Variants in UBXN2A observed in about 807,000 individuals in gnomAD.
UBXN2A encodes UBX domain protein 2A, also known as UBX domain-containing protein 2A.
Under a neutral mutation model 28.4 loss-of-function variants are expected in UBXN2A, and 28 were observed. That is an observed-to-expected ratio of 0.99 (90% CI 0.73 to 1.35). The LOEUF (loss-of-function observed/expected upper bound fraction) is 1.35, where lower values mean the gene tolerates loss of function less well. Ranked by LOEUF, UBXN2A falls within the 40% of genes most tolerant of loss-of-function variation. The pLI is 0.00. For synonymous variants in UBXN2A, 97 were observed against 103.6 expected (o/e 0.94, Z 0.39); for missense variants, 253 against 297.9 (o/e 0.85, Z 1.11).
At chr2:23,940,679 CG>C (rs1705707063) in intron 1 of UBXN2A, 31 bp downstream of exon 1, 1 of 151,008 alleles carries the variant, frequency 6.6e-6, no homozygotes, top group Non-Finnish European at 1.5e-5. Context: ...CCGCGTCCGG[CG>C]GGGTGAGGGC....
intron 4 of UBXN2A, among the ~76,000 whole-genome samples, chr2:23,981,386 G>A (rs1378532660): frequency 5.5e-5 from 8 of 146,440 alleles, no homozygotes; most frequent in African/African-American, 2.0e-4. Context: ...GCTAAGATGG[G>A]AGAATCGCTT....
chr2:23,965,365 G>A (rs1707120568), intron 2 of UBXN2A, among the ~76,000 whole-genome samples: 1 of 152,168 alleles, frequency 6.6e-6, no homozygotes, highest in African/African-American at 2.4e-5. Context: ...TGCAGACATT[G>A]TTTACCAAGT....
chr2:23,953,207 G>A (rs1302917324), intron 1 of UBXN2A, among the ~76,000 whole-genome samples: 6 of 151,934 alleles, frequency 3.9e-5, no homozygotes, highest in East Asian at 3.9e-4. Flanking sequence ...ATGAAATTGC[G>A]GTATAGCACT....
Position 24,001,604 on chromosome 2 carries a change from C to T in UBXN2A, c.*1737C>T, listed in dbSNP as rs1708725289. The T allele has an allele frequency of 6.6e-6, 1 of 151,928 alleles. No homozygotes were observed. Among genetic ancestry groups the T allele is most frequent in the Non-Finnish European group, 1.5e-5 (1 of 67,972 alleles). The allele number at this position is 151,928 out of a possible 1,614,324, so 9.4% of individuals were successfully genotyped here. ...AACAGCAACTCTCAAACATTTTTAT[C>T]TCAAGACCATTTGTTTATGTGAGCT... On this transcript the variant is annotated 3_prime_UTR_variant, in exon 7 of 7. Coordinates refer to ENST00000309033, the MANE Select transcript of UBXN2A (RefSeq NM_181713.4).
At chr2:23,944,276 G>A in intron 1 of UBXN2A, 2 of 1,604,970 alleles carry the variant, frequency 1.2e-6, no homozygotes, top group Admixed American at 3.4e-5. Flanking sequence ...AAGGCCTGAA[G>A]ATTCCCCAGC....
intron 1 of UBXN2A, among the ~76,000 whole-genome samples, chr2:23,954,931 C>CTTTT (rs35139100): frequency 1.9e-4 from 23 of 120,814 alleles, no homozygotes; most frequent in African/African-American, 4.2e-4. Flanking sequence ...GCTTGCCTAC[C>CTTTT]TTTTTTTTTT....
At position 24,002,605 on chromosome 2, in the gene UBXN2A, T is replaced by C. The variant is rs1463606458; in HGVS notation, c.*2738T>C. ...TTGTATTTTTAGTAGAGACGGGGTT[T>C]CGCCATGTTGGCCTGGCTGGCCTCT... On this transcript the variant is annotated 3_prime_UTR_variant, in exon 7 of 7. Transcript: ENST00000309033. 1 of 152,182 alleles carries C rather than the reference T, an allele frequency of 6.6e-6. No individual in the cohort carries two copies. The highest frequency in any genetic ancestry group is 1.5e-5 in the Non-Finnish European group (1 of 68,052). 9.4% of individuals were successfully genotyped at this position (152,182 alleles called of 1,614,324 possible). A position where few individuals can be genotyped will look rare whatever the true frequency, so the allele number is the denominator to read the frequency against.
chr2:23,973,912 G>T (rs1707532816), intron 3 of UBXN2A, among the ~76,000 whole-genome samples: 1 of 152,118 alleles, frequency 6.6e-6, no homozygotes, highest in Non-Finnish European at 1.5e-5. Context: ...TTACAGGCAT[G>T]AGCCACCGTG....
intron 1 of UBXN2A, chr2:23,943,740 C>G (rs1364890762): frequency 5.0e-6 from 1 of 199,770 alleles, no homozygotes; most frequent in Non-Finnish European, 1.0e-5. Flanking sequence ...ATCTGCCCGT[C>G]TTGGCCTCCC....
At chr2:23,968,030 C>A (rs1222607124) in intron 2 of UBXN2A, among the ~76,000 whole-genome samples, 1 of 151,854 alleles carries the variant, frequency 6.6e-6, no homozygotes, top group Admixed American at 6.6e-5. Flanking sequence ...CACACTACAG[C>A]CTCAAACTCC....
At chr2:23,946,508 A>G (rs1465592540) in intron 1 of UBXN2A, among the ~76,000 whole-genome samples, 2 of 151,590 alleles carry the variant, frequency 1.3e-5, no homozygotes, top group Non-Finnish European at 1.5e-5. Context: ...ATTTTAATAG[A>G]GACGGGGTTT....
chr2:23,931,884 G>A (rs1051478203), intron 1 of UBXN2A, among the ~76,000 whole-genome samples: 1 of 151,612 alleles, frequency 6.6e-6, no homozygotes, highest in African/African-American at 2.4e-5. Flanking sequence ...GATGGCAGGC[G>A]ACTGTAATCC....
rs1272424092 is a variant in UBXN2A at position 24,002,545 on chromosome 2, GATTATAGGCGCCC to G, written c.*2680_*2692del. 6.6e-6 allele frequency: 1 copy of G among 152,168 alleles called. No individual in the cohort carries two copies. Among genetic ancestry groups the G allele is most frequent in the Non-Finnish European group, 1.5e-5 (1 of 68,080 alleles). 9.4% of individuals were successfully genotyped at this position (152,168 alleles called of 1,614,324 possible). On this transcript the variant is annotated 3_prime_UTR_variant, in exon 7 of 7. Transcript: ENST00000309033. ...CTGCCACAGCCTCCCGAGTAGCTGG[GATTATAGGCGCCC>G]ACTACCACGCCTGGCTAATTTTTGT... is the stretch of plus-strand genomic sequence containing the variant.
chr2:23,927,785 TGAA>T (rs1394186478), intron 1 of UBXN2A, among the ~76,000 whole-genome samples: 1 of 152,036 alleles, frequency 6.6e-6, no homozygotes, highest in Non-Finnish European at 1.5e-5. Context: ...CCCGGCCCGC[TGAA>T]GAATTAAGAA....
chr2:23,979,338 C>G (rs1314718077), intron 4 of UBXN2A, among the ~76,000 whole-genome samples: 1 of 151,546 alleles, frequency 6.6e-6, no homozygotes, highest in African/African-American at 2.4e-5. Context: ...GAGCGAGACT[C>G]TGTCTCAAAA....
At chr2:23,967,836 A>G (rs1707238028) in intron 2 of UBXN2A, among the ~76,000 whole-genome samples, 1 of 152,182 alleles carries the variant, frequency 6.6e-6, no homozygotes, top group East Asian at 1.9e-4. Flanking sequence ...TTAAGAGTAT[A>G]TACGAGAGGA....
At chr2:23,979,267 C>T (rs1438692248) in intron 4 of UBXN2A, among the ~76,000 whole-genome samples, 1 of 152,016 alleles carries the variant, frequency 6.6e-6, no homozygotes, top group Non-Finnish European at 1.5e-5. Flanking sequence ...ATTGCTTGAA[C>T]CCAGGAGGCA....
upstream of UBXN2A, among the ~76,000 whole-genome samples, chr2:23,937,505 G>A (rs772071202): frequency 4.5e-4 from 69 of 152,172 alleles, no homozygotes; most frequent in Admixed American, 7.9e-4. Flanking sequence ...GGCAATGTAC[G>A]GAGACCCCAT....
At chr2:23,928,256 C>T (rs1573511142) in intron 1 of UBXN2A, among the ~76,000 whole-genome samples, 2 of 151,838 alleles carry the variant, frequency 1.3e-5, no homozygotes, top group Non-Finnish European at 2.9e-5. Flanking sequence ...AAGAAAAGCT[C>T]TGCTGTAAAG....
Sources: allele counts gnomAD v4.1 joint callset (sites outside exome capture counted in the v4.1 genomes callset), GRCh38; gene constraint gnomAD v4.1.1; transcripts MANE v1.5; gene names NCBI Gene and HGNC (gene_info 2026-07-23, HGNC 2026-07-21).